Variants in AQR observed in about 807,000 individuals in gnomAD.
The protein encoded by AQR is RNA helicase aquarius.
Under a neutral mutation model 180.5 loss-of-function variants are expected in AQR, and 61 were observed. That is an observed-to-expected ratio of 0.34 (90% CI 0.28 to 0.42). The LOEUF is 0.42. AQR is among the 10% of genes least tolerant of loss of function. The probability of loss-of-function intolerance (pLI) is 1.00; values close to 1 mark genes in which losing one functional copy is unlikely to be tolerated. For synonymous variants in AQR, 551 were observed against 588.8 expected (o/e 0.94, Z 0.93); for missense variants, 1,281 against 1,798.3 (o/e 0.71, Z 5.20).
At chr15:34,967,927 C>A (rs2050319009) in intron 1 of AQR, among the ~76,000 whole-genome samples, 1 of 151,942 alleles carries the variant, frequency 6.6e-6, no homozygotes, top group African/African-American at 2.4e-5. Context: ...AATTCTCCTG[C>A]CTCAGCCTCC....
In AQR at chr15:34,952,887, A is replaced by G; in HGVS notation, c.207T>C (p.Phe69=). ...FAIRKIMLLE[F]SQYLENYLWM... ...CAATGGAATGCCTTATAACTTACCT[A>G]AATTCCAAGAGCATTATCTTTCTAA... Residue 69 remains phenylalanine (F), a splice_region_variant and synonymous_variant, in exon 4 of 35, where the codon TTT becomes TTC. Coordinates refer to ENST00000156471, the MANE Select transcript of AQR (RefSeq NM_014691.3). 6.8e-7 allele frequency: 1 copy of G among 1,466,196 alleles called. No homozygotes were observed. The highest frequency in any genetic ancestry group is 2.3e-5 in the East Asian group (1 of 42,972). 90.8% of individuals were successfully genotyped at this position (1,466,196 alleles called of 1,614,324 possible).
chr15:34,882,941 T>C (rs1353453566), intron 26 of AQR, among the ~76,000 whole-genome samples: 2 of 151,988 alleles, frequency 1.3e-5, no homozygotes, highest in South Asian at 2.1e-4. Flanking sequence ...TCCAGGAAAA[T>C]AGAAATGATT....
intron 1 of AQR, among the ~76,000 whole-genome samples, chr15:34,967,688 GCA>G (rs747085920): frequency 6.6e-6 from 1 of 152,166 alleles, no homozygotes; most frequent in South Asian, 2.1e-4. Flanking sequence ...TACAGCTAAG[GCA>G]CAGAGTTAGA....
rs200361319 is a variant in AQR, at chr15:34,870,874, A to T, written c.3646T>A (p.Leu1216Ile). The change falls in exon 31 of 35, where the codon TTA becomes ATA. Residue 1216 changes from leucine to isoleucine, a missense_variant. By Grantham distance (5) the Leu-to-Ile change is conservative. Transcript: ENST00000156471. Reference protein sequence around the residue: ...YVVALFMYMCLLGYPADKISI... With the variant: ...YVVALFMYMCILGYPADKISI... ...ATTTTGTCAGCAGGGTAACCAAGTA[A>T]ACACATGTACATAAAAAGTGCTACT... is the stretch of plus-strand genomic sequence containing the variant. 1.6e-5 allele frequency: 26 copies of T among 1,613,376 alleles called. No individual in the cohort carries two copies. Among genetic ancestry groups the T allele is most frequent in the Middle Eastern group, 1.7e-4 (1 of 6,046 alleles).
chr15:34,887,745 C>T (rs957703001), intron 24 of AQR, among the ~76,000 whole-genome samples: 9 of 152,138 alleles, frequency 5.9e-5, no homozygotes, highest in African/African-American at 2.2e-4. Context: ...AAGTCATGTT[C>T]CTAGCTGTCT....
intron 26 of AQR, 42 bp from the exon 27 acceptor site, chr15:34,882,681 G>T (rs1446604168): frequency 1.3e-6 from 2 of 1,579,614 alleles, no homozygotes; most frequent in South Asian, 1.2e-5. Flanking sequence ...TTAGGAAAAC[G>T]GAGTTTTGCA....
chr15:34,890,048 G>C (rs1893119700), intron 24 of AQR, among the ~76,000 whole-genome samples, 167 bp downstream of exon 24: 1 of 152,084 alleles, frequency 6.6e-6, no homozygotes, highest in African/African-American at 2.4e-5. Context: ...CTGGAACTGA[G>C]GGACATCATG....
At chr15:34,960,676 A>C (rs1168832144) in intron 3 of AQR, 98 bp downstream of exon 3, 1 of 575,516 alleles carries the variant, frequency 1.7e-6, no homozygotes, top group East Asian at 4.2e-5. Flanking sequence ...AGTTTGAAAC[A>C]GAAAAAGGGT....
intron 26 of AQR, among the ~76,000 whole-genome samples, chr15:34,883,285 G>C (rs1459334019): frequency 6.6e-6 from 1 of 152,124 alleles, no homozygotes; most frequent in Admixed American, 6.5e-5. Context: ...AATTAAACCT[G>C]CAAGGATAAG....
chr15:34,879,240 A>G (rs1331356521), intron 27 of AQR, among the ~76,000 whole-genome samples: 1 of 152,218 alleles, frequency 6.6e-6, no homozygotes, highest in East Asian at 1.9e-4. Context: ...ATAGATAAGA[A>G]AAGAAACAAC....
In AQR at chr15:34,947,244, A is replaced by G. The variant is rs1178622264; in HGVS notation, c.330+1020T>C. Among the ~76,000 whole-genome samples the G allele has an allele frequency of 1.9e-4, 29 of 151,802 alleles. 3 individuals carry two copies. The highest frequency in any genetic ancestry group is 4.2e-4 in the South Asian group (2 of 4,816). ...CTGTGCTCTGTGAAACATGTGCTGT[A>G]TCCACTCAGGGTTGAATGGATTAAG... is the stretch of plus-strand genomic sequence containing the variant. On this transcript the variant is annotated intron_variant, in intron 5 of 34. Coordinates refer to ENST00000156471, the MANE Select transcript of AQR (RefSeq NM_014691.3).
At position 34,856,981 on chromosome 15, in the gene AQR, G is replaced by T. The variant is rs373744153; in HGVS notation, c.4269C>A (p.Asp1423Glu). 6.8e-6 allele frequency: 11 copies of T among 1,614,006 alleles called. No individual in the cohort carries two copies. Among genetic ancestry groups the T allele is most frequent in the Non-Finnish European group, 8.5e-6 (10 of 1,180,014 alleles). The change falls in exon 35 of 35, where the codon GAC (aspartate) becomes GAA (glutamate). Residue 1423 changes from aspartate to glutamate, a missense_variant. Around this residue, in one of 9 missense-constraint regions of AQR, gnomAD observed 182 missense variants for 185.3 expected, o/e 0.98. Transcript: ENST00000156471. ...VQADIIPSPT[D>E]TSCRQETPAF... ...CTGGAGTTTCTTGACGGCAGCTGGT[G>T]TCTGTTGGACTGGGTATGATGTCAG... is the stretch of plus-strand genomic sequence containing the variant.
At chr15:34,953,399 G>A (rs918795418) in intron 3 of AQR, among the ~76,000 whole-genome samples, 2 of 151,992 alleles carry the variant, frequency 1.3e-5, no homozygotes, top group East Asian at 1.9e-4. Context: ...TAGCTTTATC[G>A]TTTTATAATA....
intron 4 of AQR, among the ~76,000 whole-genome samples, chr15:34,948,724 C>T (rs1420044142): frequency 2.7e-5 from 4 of 149,756 alleles, no homozygotes; most frequent in Admixed American, 6.7e-5. Context: ...CACTTGAACC[C>T]GGGAAGAAGA....
intron 20 of AQR, among the ~76,000 whole-genome samples, chr15:34,899,094 C>T (rs1430021350): frequency 3.9e-5 from 6 of 151,950 alleles, no homozygotes; most frequent in East Asian, 1.9e-4. Flanking sequence ...GACGTGAACC[C>T]GGGAGTCGGA....
chr15:34,936,849 C>T (rs1054897201), intron 9 of AQR, among the ~76,000 whole-genome samples: 7 of 152,062 alleles, frequency 4.6e-5, no homozygotes, highest in African/African-American at 1.7e-4. Context: ...GATAAACATT[C>T]CATAGTTAGA....
Position 34,944,370 on chromosome 15 carries a change from G to A in AQR, c.389C>T (p.Ala130Val). The A allele has an allele frequency of 6.2e-7, 1 of 1,610,756 alleles. No homozygotes were observed. The highest frequency in any genetic ancestry group is 8.5e-7 in the Non-Finnish European group (1 of 1,178,614). ...PFFFKHILKA[A>V]LAETDGEFSL... Reference sequence around the variant, plus strand: ...AAATTCACCATCAGTTTCAGCTAATGCCGCCTTCAAGATGTGTTTAAAAAA... The same window carrying A: ...AAATTCACCATCAGTTTCAGCTAATACCGCCTTCAAGATGTGTTTAAAAAA... Residue 130 changes from alanine (A) to valine (V), a missense_variant, in exon 6 of 35, where the codon GCA becomes GTA. Ala to Val is a moderately conservative substitution (Grantham distance 64). Around this residue, in one of 9 missense-constraint regions of AQR, gnomAD observed 404 missense variants for 490.9 expected, o/e 0.82. Transcript: ENST00000156471.
chr15:34,938,715 C>A (rs1195029836), intron 9 of AQR, 22 bp downstream of exon 9: 3 of 1,350,940 alleles, frequency 2.2e-6, no homozygotes, highest in Non-Finnish European at 2.1e-6. Context: ...TTCACAAATG[C>A]ACTGAGTAAA....
intron 8 of AQR, among the ~76,000 whole-genome samples, chr15:34,939,090 G>T (rs1310626107): frequency 6.6e-6 from 1 of 151,882 alleles, no homozygotes; most frequent in Non-Finnish European, 1.5e-5. Context: ...TGTTTTTGAG[G>T]TGGAATCTCG....
Sources: gnomAD v4.1 joint callset for allele counts (sites outside exome capture counted in the v4.1 genomes callset) on GRCh38, gnomAD v4.1.1 for gene constraint, gnomAD v4.1.1 regional missense constraint, MANE v1.5 for transcripts, NCBI Gene and HGNC (gene_info 2026-07-23, HGNC 2026-07-21) for gene names.